The following PTN variants were observed in gnomAD, a reference collection of about 807,000 sequenced individuals.
PTN encodes the protein pleiotrophin.
Under a neutral mutation model 24.1 loss-of-function variants are expected in PTN, and 18 were observed. That is an observed-to-expected ratio of 0.75 (90% CI 0.52 to 1.11). The LOEUF (loss-of-function observed/expected upper bound fraction) is 1.11, where lower values mean the gene tolerates loss of function less well. Ranked by LOEUF, PTN falls within the 50% of genes least tolerant of loss-of-function variation. PTN has a pLI of 0.00. For missense variants in PTN, 163 were observed against 198.8 expected (o/e 0.82, Z 1.08); for synonymous variants, 78 against 68.6 (o/e 1.14, Z -0.67).
At chr7:137,297,394 A>G (rs1018451465) in intron 1 of PTN, among the ~76,000 whole-genome samples, 1 of 152,132 alleles carries the variant, frequency 6.6e-6, no homozygotes, top group Admixed American at 6.6e-5. Context: ...AGTCCCAGCA[A>G]GAGGTAGATG....
intron 1 of PTN, among the ~76,000 whole-genome samples, chr7:137,284,340 C>T (rs1027787791): frequency 2.0e-5 from 3 of 152,082 alleles, no homozygotes; most frequent in Non-Finnish European, 2.9e-5. Flanking sequence ...TGAAGTTCTG[C>T]ACAGTTACCA....
chr7:137,272,432 C>G (rs977401005), intron 1 of PTN, among the ~76,000 whole-genome samples: 1 of 152,248 alleles, frequency 6.6e-6, no homozygotes, highest in Admixed American at 6.5e-5. Flanking sequence ...AGGTTTAGCT[C>G]AAGGCTTTCG....
rs60723445 is a variant in PTN at position 137,297,623 on chromosome 7, C to T, written c.-1-42649G>A. 2.8e-4 allele frequency among the ~76,000 whole-genome samples: 42 copies of T among 152,066 alleles called. 1 individual carries two copies. In the East Asian group the frequency reaches 7.8e-3, roughly 28 times the overall value. ...CAGCCTGAGGAACAACCTCTAAATA[C>T]ACACAACAACAACAACAAAACAGGC... On this transcript the variant is annotated intron_variant, in intron 1 of 4. Transcript: ENST00000348225.
At chr7:137,284,448 T>A (rs530223183) in intron 1 of PTN, among the ~76,000 whole-genome samples, 1 of 152,210 alleles carries the variant, frequency 6.6e-6, no homozygotes, top group East Asian at 1.9e-4. Context: ...TCTCTCTCTC[T>A]CAGAAATAAT....
rs186758977 is a variant in PTN at position 137,244,302 on chromosome 7, A to C, written c.451+6928T>G. 9.9e-5 allele frequency among the ~76,000 whole-genome samples: 15 copies of C among 152,148 alleles called. No homozygotes were observed. In the East Asian group the frequency reaches 2.9e-3, roughly 30 times the overall value. ...TGCACATTTCAATTCTTATTTCTGC[A>C]TAAGAGCATGAATATTCCCTCTTCT... On this transcript the variant is annotated intron_variant, in intron 4 of 4. Coordinates refer to ENST00000348225, the MANE Select transcript of PTN (RefSeq NM_002825.7).
In PTN at chr7:137,281,135, A is replaced by G. The variant is rs993394097; in HGVS notation, c.-1-26161T>C. Among the ~76,000 whole-genome samples the G allele has an allele frequency of 1.6e-4, 25 of 152,146 alleles. 1 individual carries two copies. The highest frequency in any genetic ancestry group is 4.1e-4 in the South Asian group (2 of 4,836). ...TGATTCAGCCAAGTTATGTTAGAACAGCCTAATAAATATGCCACGTGACCT... is the reference window on the plus strand; with the variant it reads ...TGATTCAGCCAAGTTATGTTAGAACGGCCTAATAAATATGCCACGTGACCT... On this transcript the variant is annotated intron_variant, in intron 1 of 4. Coordinates refer to ENST00000348225, the MANE Select transcript of PTN (RefSeq NM_002825.7).
At chr7:137,339,377 A>C (rs1016032924) in intron 1 of PTN, among the ~76,000 whole-genome samples, 21 of 152,054 alleles carry the variant, frequency 1.4e-4, no homozygotes, top group African/African-American at 4.8e-4. Context: ...CATACGTACA[A>C]TAAATATTGT....
intron 1 of PTN, among the ~76,000 whole-genome samples, chr7:137,288,219 G>T (rs6979228): frequency 0.076 from 11,582 of 152,158 alleles, 646 homozygotes; most frequent in African/African-American, 0.15. Flanking sequence ...ACAAGCTGTT[G>T]CCCCAAATAA....
rs538946625 is a variant in PTN at position 137,242,767 on chromosome 7, C to G, written c.451+8463G>C. Among the ~76,000 whole-genome samples the G allele has an allele frequency of 2.0e-5, 3 of 152,302 alleles. No homozygotes were observed. The South Asian group carries it at 6.2e-4, about 32-fold the overall frequency. The stretch of plus-strand genomic sequence containing the variant: ...GGCTCTGCACTCCAGTGACAAATAC[C>G]AGAAGCCTGCTCCATGGGCTGCACC... On this transcript the variant is annotated intron_variant, in intron 4 of 4. Transcript: ENST00000348225.
rs1208206417 is a variant in PTN, at chr7:137,251,228, A to T, written c.451+2T>A. 1 of 1,613,938 alleles carries T rather than the reference A, an allele frequency of 6.2e-7. No homozygotes were observed. ...AATTGTGGTATAATGGCAAGGACTT[A>T]CCTTGAGGTTTGGGCTTGGTCAGTT... On this transcript the variant is annotated splice_donor_variant, in intron 4 of 4. Transcript: ENST00000348225. LOFTEE classifies it high-confidence loss of function.
intron 1 of PTN, among the ~76,000 whole-genome samples, chr7:137,320,795 T>C (rs1356392896): frequency 5.9e-5 from 9 of 152,216 alleles, no homozygotes; most frequent in Non-Finnish European, 2.9e-5. Flanking sequence ...AGTTGCCTTA[T>C]GGAAACCTGC....
intron 1 of PTN, among the ~76,000 whole-genome samples, chr7:137,293,569 T>A (rs1202780613): frequency 6.6e-6 from 1 of 152,122 alleles, no homozygotes; most frequent in African/African-American, 2.4e-5. Context: ...TCTACCATAC[T>A]CAGCATCATA....
At chr7:137,293,778 G>C (rs969302110) in intron 1 of PTN, among the ~76,000 whole-genome samples, 2 of 151,904 alleles carry the variant, frequency 1.3e-5, no homozygotes, top group Non-Finnish European at 2.9e-5. Flanking sequence ...AACTTTCGTT[G>C]ACATGTCATC....
chr7:137,288,048 G>A (rs1478937941), intron 1 of PTN, among the ~76,000 whole-genome samples: 6 of 152,158 alleles, frequency 3.9e-5, no homozygotes, highest in Non-Finnish European at 8.8e-5. Flanking sequence ...GAAGGAATAC[G>A]TAAAAGAGGA....
chr7:137,278,558 A>G (rs761028836), intron 1 of PTN, among the ~76,000 whole-genome samples: 1 of 152,162 alleles, frequency 6.6e-6, no homozygotes, highest in Non-Finnish European at 1.5e-5. Context: ...CAAAATAAAG[A>G]GGGTTATTTT....
At chr7:137,333,417 A>G (rs567935556) in intron 1 of PTN, among the ~76,000 whole-genome samples, 17 of 152,290 alleles carry the variant, frequency 1.1e-4, no homozygotes, top group African/African-American at 3.4e-4. Context: ...TGTGTTACCT[A>G]AGACTGTTAC....
chr7:137,292,109 T>G (rs536665705), intron 1 of PTN, among the ~76,000 whole-genome samples: 2 of 152,302 alleles, frequency 1.3e-5, no homozygotes, highest in African/African-American at 4.8e-5. Context: ...CACTTTATGT[T>G]CATTGCCACT....
At chr7:137,246,434 A>C (rs577487061) in intron 4 of PTN, among the ~76,000 whole-genome samples, 7 of 152,316 alleles carry the variant, frequency 4.6e-5, no homozygotes, top group African/African-American at 1.4e-4. Flanking sequence ...ATTTCTTAGA[A>C]CATATCCCTG....
At chr7:137,239,670 G>A (rs562119795) in intron 4 of PTN, among the ~76,000 whole-genome samples, 2 of 151,992 alleles carry the variant, frequency 1.3e-5, no homozygotes, top group Admixed American at 6.5e-5. Flanking sequence ...TTGTTCTTGC[G>A]ATAGTTTACT....
Sources: allele counts gnomAD v4.1 joint callset (sites outside exome capture counted in the v4.1 genomes callset), GRCh38; gene constraint gnomAD v4.1.1; transcripts MANE v1.5; gene names NCBI Gene and HGNC (gene_info 2026-07-23, HGNC 2026-07-21).